The following TRMT11 variants were observed in gnomAD, a reference collection of about 807,000 sequenced individuals.
The protein encoded by TRMT11 is tRNA methyltransferase 11, also known as tRNA (guanine(10)-N(2))-methyltransferase TRMT11.
Under a neutral mutation model 62.8 loss-of-function variants are expected in TRMT11, and 53 were observed. That is an observed-to-expected ratio of 0.84 (90% CI 0.68 to 1.06). The LOEUF (loss-of-function observed/expected upper bound fraction) is 1.06, where lower values mean the gene tolerates loss of function less well. Ranked by LOEUF, TRMT11 falls within the 50% of genes least tolerant of loss-of-function variation. TRMT11 has a pLI of 0.00. For synonymous variants in TRMT11, 188 were observed against 190.3 expected (o/e 0.99, Z 0.10); for missense variants, 556 against 553.4 (o/e 1.00, Z -0.05).
At chr6:126,193,827 TC>T (rs1778634031) in intron 1 of TRMT11, among the ~76,000 whole-genome samples, 1 of 152,096 alleles carries the variant, frequency 6.6e-6, no homozygotes, top group African/African-American at 2.4e-5. Context: ...CTATAATATT[TC>T]CTCTTAGTGC....
At chr6:126,186,291 G>T (rs1317651811) in intron 1 of TRMT11, among the ~76,000 whole-genome samples, 1 of 151,764 alleles carries the variant, frequency 6.6e-6, no homozygotes, top group Non-Finnish European at 1.5e-5. Context: ...CTATAATTTT[G>T]TTTGATTTTA....
intron 17 of TRMT11, among the ~76,000 whole-genome samples, chr6:126,107,854 G>A (rs1034345824): frequency 2.0e-5 from 3 of 152,242 alleles, no homozygotes; most frequent in Middle Eastern, 3.4e-3. Context: ...AGTCTGTCGC[G>A]TGATTCATAT....
intron 17 of TRMT11, among the ~76,000 whole-genome samples, chr6:126,103,216 T>A (rs944566846): frequency 1.2e-4 from 19 of 152,230 alleles, no homozygotes; most frequent in African/African-American, 4.6e-4. Flanking sequence ...CTACGCTAAT[T>A]CTCATTTGTC....
chr6:126,152,300 G>GCA, intron 21 of TRMT11, among the ~76,000 whole-genome samples: 1 of 151,084 alleles, frequency 6.6e-6, no homozygotes, highest in Non-Finnish European at 1.5e-5. Flanking sequence ...AACATGATCA[G>GCA]CACAGTTATT....
chr6:126,151,778 C>CTTT (rs1778043430), intron 21 of TRMT11, among the ~76,000 whole-genome samples: 3 of 121,442 alleles, frequency 2.5e-5, no homozygotes, highest in African/African-American at 1.1e-4. Flanking sequence ...TTCCTTTCAC[C>CTTT]CTTTTCCTTC....
intron 2 of TRMT11, among the ~76,000 whole-genome samples, chr6:125,994,821 C>G (rs1791217443): frequency 6.6e-6 from 1 of 152,206 alleles, no homozygotes; most frequent in Non-Finnish European, 1.5e-5. Context: ...AGATCATGTC[C>G]TTTGCAGGGG....
chr6:126,269,249 G>A, the TRMT11 span, among the ~76,000 whole-genome samples: 1 of 130,792 alleles, frequency 7.6e-6, no homozygotes, highest in East Asian at 2.1e-4. Flanking sequence ...GGGCGACAGA[G>A]CGAGACTCCG....
chr6:126,213,012 A>G, the TRMT11 span, among the ~76,000 whole-genome samples: 1 of 152,108 alleles, frequency 6.6e-6, no homozygotes, highest in Non-Finnish European at 1.5e-5. Context: ...TCCCAGCACT[A>G]CTTATTAAAA....
intron 16 of TRMT11, among the ~76,000 whole-genome samples, chr6:126,045,377 A>T (rs772215502): frequency 2.6e-5 from 4 of 152,192 alleles, no homozygotes; most frequent in Non-Finnish European, 4.4e-5. Context: ...GGATGCTGAC[A>T]GACACATAGC....
At chr6:126,014,488 A>T (rs1225474576) in intron 11 of TRMT11, among the ~76,000 whole-genome samples, 4 of 152,116 alleles carry the variant, frequency 2.6e-5, no homozygotes, top group Non-Finnish European at 5.9e-5. Flanking sequence ...TGACCTCATG[A>T]TCCACCCACC....
At chr6:126,067,786 C>T (rs1288691001) in intron 17 of TRMT11, among the ~76,000 whole-genome samples, 1 of 152,134 alleles carries the variant, frequency 6.6e-6, no homozygotes, top group African/African-American at 2.4e-5. Context: ...AGTGGTTGTG[C>T]CAATTTACAC....
the TRMT11 span, among the ~76,000 whole-genome samples, chr6:126,246,031 T>G: frequency 1.3e-5 from 2 of 152,174 alleles, no homozygotes; most frequent in African/African-American, 4.8e-5. Flanking sequence ...TCTAACACTT[T>G]GGGAGACTAA....
At chr6:126,019,409 T>C (rs1333865274) in intron 11 of TRMT11, among the ~76,000 whole-genome samples, 3 of 152,188 alleles carry the variant, frequency 2.0e-5, no homozygotes, top group Non-Finnish European at 2.9e-5. Flanking sequence ...TTAATTAAAA[T>C]TGTGTTGGTA....
intron 17 of TRMT11, among the ~76,000 whole-genome samples, chr6:126,074,563 A>G (rs1466584726): frequency 6.6e-6 from 1 of 152,076 alleles, no homozygotes; most frequent in African/African-American, 2.4e-5. Context: ...TTAGCTTTTT[A>G]TTATTTTTGC....
At chr6:126,062,304 T>G (rs1776557777) in intron 17 of TRMT11, among the ~76,000 whole-genome samples, 1 of 152,220 alleles carries the variant, frequency 6.6e-6, no homozygotes, top group Non-Finnish European at 1.5e-5. Context: ...AAAATACCAA[T>G]TTTGTTCTTA....
At chr6:126,177,021 A>G (rs1778394150), upstream of TRMT11, among the ~76,000 whole-genome samples, 1 of 152,228 alleles carries the variant, frequency 6.6e-6, no homozygotes, top group Admixed American at 6.5e-5. Flanking sequence ...AGAAAAAAAA[A>G]AACAAAGAAA....
the TRMT11 span, among the ~76,000 whole-genome samples, chr6:126,246,599 A>C: frequency 6.6e-6 from 1 of 152,198 alleles, no homozygotes; most frequent in Non-Finnish European, 1.5e-5. Flanking sequence ...GGAAGAAAAG[A>C]GGAGATATTA....
chr6:126,123,179 C>A (rs554081692), intron 21 of TRMT11, among the ~76,000 whole-genome samples: 1 of 152,178 alleles, frequency 6.6e-6, no homozygotes, highest in East Asian at 1.9e-4. Flanking sequence ...ATATAGTAAG[C>A]CCTCAACAAA....
At chr6:126,103,703 A>G (rs749629628) in intron 17 of TRMT11, among the ~76,000 whole-genome samples, 3 of 152,202 alleles carry the variant, frequency 2.0e-5, no homozygotes, top group Non-Finnish European at 4.4e-5. Context: ...CCCCAGGTCC[A>G]TGCTACAAGG....
Sources: gnomAD v4.1 joint callset for allele counts (sites outside exome capture counted in the v4.1 genomes callset) on GRCh38, gnomAD v4.1.1 for gene constraint, MANE v1.5 for transcripts, NCBI Gene and HGNC (gene_info 2026-07-23, HGNC 2026-07-21) for gene names.